Variants in ESRP1 observed in about 807,000 individuals in gnomAD.
The protein encoded by ESRP1 is epithelial splicing regulatory protein 1.
A neutral mutation model predicts 81.7 loss-of-function variants in ESRP1; 33 were observed. The ratio of observed to expected loss-of-function variants is 0.40; its 90% CI spans 0.31 to 0.54. The LOEUF is 0.54. Ranked by LOEUF, ESRP1 falls within the 20% of genes least tolerant of loss-of-function variation. ESRP1 has a pLI of 0.41. For missense variants in ESRP1, 672 were observed against 833.1 expected (o/e 0.81, Z 2.38); for synonymous variants, 320 against 303.3 (o/e 1.06, Z -0.57).
intron 14 of ESRP1, among the ~76,000 whole-genome samples, chr8:94,696,651 C>T (rs1214041040): frequency 6.6e-6 from 1 of 152,034 alleles, no homozygotes; most frequent in Non-Finnish European, 1.5e-5. Flanking sequence ...AATGTCCATC[C>T]TAGAAGGGAC....
At chr8:94,682,184 T>C (rs1258660603) in intron 13 of ESRP1, among the ~76,000 whole-genome samples, 1 of 152,178 alleles carries the variant, frequency 6.6e-6, no homozygotes, top group Non-Finnish European at 1.5e-5. Flanking sequence ...TTCTCTTTCA[T>C]TACATCAAGC....
intron 12 of ESRP1, among the ~76,000 whole-genome samples, chr8:94,675,934 A>G (rs1260016589): frequency 6.6e-6 from 1 of 152,230 alleles, no homozygotes; most frequent in Non-Finnish European, 1.5e-5. Flanking sequence ...GCTCAAGACC[A>G]GCTTGAGCAA....
At chr8:94,689,810 G>GCTTTTTTTTT (rs1809303362) in intron 13 of ESRP1, among the ~76,000 whole-genome samples, 1 of 55,332 alleles carries the variant, frequency 1.8e-5, no homozygotes, top group Non-Finnish European at 3.7e-5. Flanking sequence ...ATGATGCCTG[G>GCTTTTTTTTT]CTTTTTTTTT....
Position 94,664,905 on chromosome 8 carries a change from G to A in ESRP1, c.756-22G>A, listed in dbSNP as rs368010707. On this transcript the variant is annotated intron_variant, in intron 7 of 15. Transcript: ENST00000433389. Reference sequence around the variant, plus strand: ...CACTGTATTTTTTTTTCTACCTGCTGTCTGTTTTATTATTCTCAAAGGGGA... The same window carrying A: ...CACTGTATTTTTTTTTCTACCTGCTATCTGTTTTATTATTCTCAAAGGGGA... 6.5e-5 allele frequency: 105 copies of A among 1,605,842 alleles called. No homozygotes were observed. In the African/African-American group the frequency reaches 1.2e-3, roughly 19 times the overall value.
At chr8:94,685,514 C>T (rs2130692956) in intron 13 of ESRP1, among the ~76,000 whole-genome samples, 1 of 152,028 alleles carries the variant, frequency 6.6e-6, no homozygotes, top group Non-Finnish European at 1.5e-5. Flanking sequence ...TCTCAGAAAA[C>T]AAAACAATAG....
At chr8:94,663,171 G>A (rs1043681513) in intron 6 of ESRP1, among the ~76,000 whole-genome samples, 2 of 152,162 alleles carry the variant, frequency 1.3e-5, no homozygotes, top group African/African-American at 4.8e-5. Context: ...ATTTCCAAAG[G>A]AGAAATTGTA....
intron 4 of ESRP1, among the ~76,000 whole-genome samples, chr8:94,648,480 A>C (rs1387175784): frequency 1.3e-5 from 2 of 152,246 alleles, no homozygotes; most frequent in East Asian, 3.8e-4. Flanking sequence ...ATTATGTCCA[A>C]TCTGAATATC....
At chr8:94,690,215 A>G (rs1809336588) in intron 13 of ESRP1, among the ~76,000 whole-genome samples, 2 of 147,258 alleles carry the variant, frequency 1.4e-5, no homozygotes, top group Non-Finnish European at 1.5e-5. Context: ...GCCTAAAGTG[A>G]TCACCCACTT....
Position 94,674,506 on chromosome 8 carries a change from T to C in ESRP1, c.1651T>C (p.Cys551Arg). The C allele has an allele frequency of 1.2e-6, 2 of 1,611,404 alleles. No individual in the cohort carries two copies. The highest frequency in any genetic ancestry group is 1.7e-6 in the Non-Finnish European group (2 of 1,178,738). ...ATCCCCACCGCCATGTAAGTTACCA[T>C]GTAAGTTTTTCTTGGGTCTTGGCGC... ...GLSPPPCKLP[C>R]LSPPSYTFPA... Residue 551 changes from cysteine to arginine, a missense_variant and splice_region_variant, in exon 12 of 16, where the codon TGC becomes CGC. Cys to Arg is a radical substitution (Grantham distance 180). Transcript: ENST00000433389.
intron 11 of ESRP1, among the ~76,000 whole-genome samples, chr8:94,672,970 G>A (rs1197331881): frequency 2.0e-5 from 3 of 152,124 alleles, no homozygotes; most frequent in African/African-American, 7.2e-5. Context: ...TTCACTTGGA[G>A]ATTTGGTCAC....
chr8:94,686,261 G>A (rs552249336), intron 13 of ESRP1, among the ~76,000 whole-genome samples: 1 of 152,188 alleles, frequency 6.6e-6, no homozygotes, highest in Admixed American at 6.5e-5. Context: ...AGGATATTAA[G>A]TGCTGCAGTG....
rs1413579435 is a variant in ESRP1 at position 94,696,870 on chromosome 8, C to T, written c.1990C>T (p.Leu664Phe). 1.9e-6 allele frequency: 3 copies of T among 1,593,942 alleles called. No homozygotes were observed. The highest frequency in any genetic ancestry group is 2.6e-6 in the Non-Finnish European group (3 of 1,169,852). ...ATTTTAGTATGCAACCGAGGATGGACTTATACACACAAATGACCAGGCCAG... is the reference window on the plus strand; with the variant it reads ...ATTTTAGTATGCAACCGAGGATGGATTTATACACACAAATGACCAGGCCAG... ...QGYQYATEDG[L>F]IHTNDQARTL... Residue 664 changes from leucine (L) to phenylalanine (F), a missense_variant, in exon 15 of 16, where the codon CTT (leucine) becomes TTT (phenylalanine). Transcript: ENST00000433389.
chr8:94,662,965 A>G (rs1389617785), intron 6 of ESRP1, among the ~76,000 whole-genome samples: 1 of 152,170 alleles, frequency 6.6e-6, no homozygotes, highest in Non-Finnish European at 1.5e-5. Context: ...GAGAAACTTT[A>G]CTAATCCTTT....
chr8:94,662,869 A>G (rs1818820240), intron 6 of ESRP1, among the ~76,000 whole-genome samples: 1 of 152,138 alleles, frequency 6.6e-6, no homozygotes, highest in South Asian at 2.1e-4. Flanking sequence ...CGCCTCCCAA[A>G]GTGCTGGGAT....
chr8:94,690,984 A>G (rs572537925), intron 13 of ESRP1, among the ~76,000 whole-genome samples: 3 of 152,296 alleles, frequency 2.0e-5, no homozygotes, highest in African/African-American at 7.2e-5. Context: ...GGCAAGAGGT[A>G]ACTTATGTGA....
chr8:94,652,077 T>C (rs1208623400), intron 4 of ESRP1, among the ~76,000 whole-genome samples: 2 of 138,534 alleles, frequency 1.4e-5, no homozygotes, highest in African/African-American at 5.4e-5. Flanking sequence ...AACCTTCACC[T>C]TCTGGGTTCA....
Position 94,643,359 on chromosome 8 carries a change from C to T in ESRP1, c.318C>T (p.Leu106=). The T allele has an allele frequency of 4.3e-6, 7 of 1,613,914 alleles. No homozygotes were observed. Among genetic ancestry groups the T allele is most frequent in the Non-Finnish European group, 5.9e-6 (7 of 1,179,814 alleles). ...TTGGAGTAGGGACTTCCTTCTGTCT[C>T]TGTACTGATGGGCAGCTTCATGTCA... ...LNIGVGTSFC[L]CTDGQLHVRQ... The change falls in exon 3 of 16, where the codon CTC becomes CTT. Residue 106 remains leucine (L), a synonymous_variant. Coordinates refer to ENST00000433389, the MANE Select transcript of ESRP1 (RefSeq NM_017697.4).
At chr8:94,670,442 T>A (rs1819258887) in intron 10 of ESRP1, among the ~76,000 whole-genome samples, 1 of 152,224 alleles carries the variant, frequency 6.6e-6, no homozygotes, top group South Asian at 2.1e-4. Flanking sequence ...TGGTGTGGTT[T>A]GATTTTTGTC....
intron 15 of ESRP1, among the ~76,000 whole-genome samples, chr8:94,705,156 CTTTTTTTTTTTTTT>C (rs57801249): frequency 5.5e-5 from 5 of 90,532 alleles, no homozygotes; most frequent in Admixed American, 1.4e-4. Flanking sequence ...TGCCTTATTG[CTTTTTTTTTTTTTT>C]TTTTTTTTTT....
Sources: gnomAD v4.1 joint callset for allele counts (sites outside exome capture counted in the v4.1 genomes callset) on GRCh38, gnomAD v4.1.1 for gene constraint, MANE v1.5 for transcripts, NCBI Gene and HGNC (gene_info 2026-07-23, HGNC 2026-07-21) for gene names.